Variants in NSD3 observed in about 807,000 individuals in gnomAD.
NSD3 encodes nuclear receptor binding SET domain protein 3, also known as histone-lysine N-methyltransferase NSD3.
In NSD3, 24 loss-of-function variants were observed where a neutral mutation model predicts 160.8. That is an observed-to-expected ratio of 0.15 (90% CI 0.11 to 0.21). The LOEUF (loss-of-function observed/expected upper bound fraction) is 0.21, where lower values mean the gene tolerates loss of function less well. Among genes scored for constraint, NSD3 ranks in the 10% least tolerant of loss-of-function variants. NSD3 has a pLI of 1.00. For missense variants in NSD3, 1,157 were observed against 1,735.9 expected, an observed-to-expected ratio of 0.67 and a Z score of 5.93; for synonymous variants, 520 against 600.0, an observed-to-expected ratio of 0.87 and a Z score of 1.95.
intron 1 of NSD3, among the ~76,000 whole-genome samples, chr8:38,374,424 A>T (rs1045636151): frequency 6.6e-6 from 1 of 152,220 alleles, no homozygotes; most frequent in Non-Finnish European, 1.5e-5. Context: ...ATAAGCTATG[A>T]AGAAAAATCA....
chr8:38,280,303 C>T (rs1272752619), intron 20 of NSD3: 1 of 152,132 alleles, frequency 6.6e-6, no homozygotes, highest in East Asian at 1.9e-4. Context: ...CTGAGCCTCT[C>T]AAGTGCTGTC....
Position 38,317,563 on chromosome 8 carries a change from TA to T in NSD3, c.1855+1331del, listed in dbSNP as rs975996178. 2.3e-5 allele frequency: 25 copies of T among 1,069,680 alleles called. No individual in the cohort carries two copies. The highest frequency in any genetic ancestry group is 5.2e-5 in the East Asian group (1 of 19,168). The allele number at this position is 1,069,680 out of a possible 1,614,324, so 66.3% of individuals were successfully genotyped here. A position where few individuals can be genotyped will look rare whatever the true frequency, so the allele number is the denominator to read the frequency against. On this transcript the variant is annotated intron_variant, in intron 9 of 23. Transcript: ENST00000317025. The surrounding 1 kb of genome is among the most constrained non-coding windows in gnomAD (Gnocchi z 5.3). ...TTCTCCATGATAACGGCACTAATATTAAAAAAAATAAGAACTTTTAATGATT... is the reference window on the plus strand; with the variant it reads ...TTCTCCATGATAACGGCACTAATATTAAAAAAATAAGAACTTTTAATGATT...
chr8:38,317,491 G>C lies in NSD3; in HGVS notation c.1855+1404C>G. ...GTACCGCCATTTCCGATGAGTTTCT[G>C]AAAATGCTAGAAAAATGACAGACTG... On this transcript the variant is annotated intron_variant, in intron 9 of 23. Coordinates refer to ENST00000317025, the MANE Select transcript of NSD3 (RefSeq NM_023034.2). This position sits in a 1 kb window ranked among gnomAD's most constrained non-coding sequence, Gnocchi z 5.3. The C allele has an allele frequency of 9.5e-7, 1 of 1,056,570 alleles. No homozygotes were observed. Among genetic ancestry groups the C allele is most frequent in the Non-Finnish European group, 1.1e-6 (1 of 873,840 alleles). 65.4% of individuals were successfully genotyped at this position (1,056,570 alleles called of 1,614,324 possible). A position where few individuals can be genotyped will look rare whatever the true frequency, so the allele number is the denominator to read the frequency against.
chr8:38,329,594 G>A lies in NSD3; in HGVS notation c.1365C>T (p.His455=), dbSNP rs1415386630. Residue 455 remains histidine, a synonymous_variant, in exon 6 of 24, where the codon CAC becomes CAT. Transcript: ENST00000317025. The surrounding 1 kb of genome is among the most constrained non-coding windows in gnomAD (Gnocchi z 4.8). ...GTGGCTCTTCCTCTTCCGCACTTGT[G>A]TGCCGCCTCTGGCTATGTCTCCGAA... ...TEIRRHSQRR[H]TSAEEEEPPP... is the part of the protein sequence containing the mutation. 3 of 1,614,196 alleles carry A rather than the reference G, an allele frequency of 1.9e-6. No homozygotes were observed. The highest frequency in any genetic ancestry group is 2.2e-5 in the East Asian group (1 of 44,896).
chr8:38,377,869 C>T (rs10099378), intron 1 of NSD3, among the ~76,000 whole-genome samples: 32,528 of 151,862 alleles, frequency 0.21, 3,710 homozygotes, highest in East Asian at 0.31. Context: ...GAGGTGAAGT[C>T]TGCAGTGAGC....
chr8:38,304,580 C>T lies in NSD3; in HGVS notation c.2611+7G>A. The T allele has an allele frequency of 6.2e-7, 1 of 1,603,292 alleles. No homozygotes were observed. The highest frequency in any genetic ancestry group is 8.5e-7 in the Non-Finnish European group (1 of 1,176,162). ...AAAATAAATGAAGAGAAAAGTCAGA[C>T]ACTCACCTCTGGCACAAACGAAACA... On this transcript the variant is annotated splice_region_variant and intron_variant, in intron 14 of 23. Transcript: ENST00000317025.
chr8:38,316,454 GT>G lies in NSD3; in HGVS notation c.1856-413del. 1 of 1,043,328 alleles carries G rather than the reference GT, an allele frequency of 9.6e-7. No homozygotes were observed. Among genetic ancestry groups the G allele is most frequent in the Non-Finnish European group, 1.2e-6 (1 of 865,174 alleles). The allele number at this position is 1,043,328 out of a possible 1,614,324, so 64.6% of individuals were successfully genotyped here. Reference sequence around the variant, plus strand: ...ATGGTTGCAGAGACATCTCCATCTTGTTTTTATTAGGGATGTGACAAATCTT... The same window carrying G: ...ATGGTTGCAGAGACATCTCCATCTTGTTTTATTAGGGATGTGACAAATCTT... On this transcript the variant is annotated intron_variant, in intron 9 of 23. Coordinates refer to ENST00000317025, the MANE Select transcript of NSD3 (RefSeq NM_023034.2). The surrounding 1 kb of genome is among the most constrained non-coding windows in gnomAD (Gnocchi z 4.5).
intron 1 of NSD3, among the ~76,000 whole-genome samples, chr8:38,352,785 T>C (rs953617140): frequency 6.6e-6 from 1 of 152,080 alleles, no homozygotes; most frequent in African/African-American, 2.4e-5. Flanking sequence ...TTTGTATTTT[T>C]TATAGAGATG....
At chr8:38,282,872 A>G (rs1808765355) in intron 19 of NSD3, among the ~76,000 whole-genome samples, 1 of 152,208 alleles carries the variant, frequency 6.6e-6, no homozygotes, top group African/African-American at 2.4e-5. Flanking sequence ...CACCCATGGA[A>G]GAACATTTGG....
At position 38,276,749 on chromosome 8, in the gene NSD3, A is replaced by T. The variant is rs139886146; in HGVS notation, c.3868-249T>A. 8.3e-4 allele frequency: 406 copies of T among 488,896 alleles called. 4 individuals are homozygous for T. The highest frequency in any genetic ancestry group is 7.0e-3 in the African/African-American group (361 of 51,654). 30.3% of individuals were successfully genotyped at this position (488,896 alleles called of 1,614,324 possible). A position where few individuals can be genotyped will look rare whatever the true frequency, so the allele number is the denominator to read the frequency against. On this transcript the variant is annotated intron_variant, in intron 22 of 23. Coordinates refer to ENST00000317025, the MANE Select transcript of NSD3 (RefSeq NM_023034.2). ...GTCCAGGCTGAAGTGCAGTGGTGCA[A>T]TCTTGGCTCACTGCAGCCTCGACCT...
intron 23 of NSD3, 21 bp downstream of exon 23, chr8:38,276,275 G>A (rs1488935): frequency 0.22 from 354,413 of 1,610,792 alleles, 40,206 homozygotes; most frequent in East Asian, 0.31. Flanking sequence ...TTAGGGAAAG[G>A]GTCCTGAAGG....
intron 19 of NSD3, among the ~76,000 whole-genome samples, chr8:38,286,725 CCT>C (rs1297177733): frequency 1.3e-5 from 2 of 152,174 alleles, no homozygotes; most frequent in African/African-American, 4.8e-5. Flanking sequence ...CACCGCAGCT[CCT>C]CTCTTTCCTC....
chr8:38,320,750 G>T (rs1214885779), intron 8 of NSD3: 9 of 187,408 alleles, frequency 4.8e-5, no homozygotes, highest in Non-Finnish European at 7.5e-5. Context: ...GGAACTCAAT[G>T]ATGGTTCCAA....
rs1202024020 is a variant in NSD3, at chr8:38,295,838, A to G, written c.2873T>C (p.Leu958Pro). 1.9e-6 allele frequency: 3 copies of G among 1,613,580 alleles called. No homozygotes were observed. Among genetic ancestry groups the G allele is most frequent in the South Asian group, 1.1e-5 (1 of 90,906 alleles). Residue 958 changes from leucine to proline, a missense_variant, in exon 16 of 24, where the codon CTA becomes CCA. By Grantham distance (98) the Leu-to-Pro change is moderately conservative. Transcript: ENST00000317025. ...GACCCAAACAATCTGCTTGTAATGT[A>G]GTTTCTTGCCAGCTTTACAGTCATT... Reference protein sequence around the residue: ...NCNDCKAGKKLHYKQIVWVKL... With the variant: ...NCNDCKAGKKPHYKQIVWVKL...
At chr8:38,366,468 G>A (rs1188231678) in intron 1 of NSD3, among the ~76,000 whole-genome samples, 4 of 148,790 alleles carry the variant, frequency 2.7e-5, no homozygotes, top group Non-Finnish European at 5.9e-5. Flanking sequence ...AGGCTGGAGT[G>A]CAATGGTATG....
intron 1 of NSD3, among the ~76,000 whole-genome samples, chr8:38,360,238 C>A (rs1194057920): frequency 1.3e-5 from 2 of 152,156 alleles, no homozygotes; most frequent in African/African-American, 4.8e-5. Context: ...CTCAAGCAAT[C>A]CTCCCACTTT....
rs11290856 is a variant in NSD3, at chr8:38,293,922, CAAAAAAAAAAA to C, written c.2915+1863_2915+1873del. Among the ~76,000 whole-genome samples the C allele has an allele frequency of 8.8e-4, 44 of 49,940 alleles. No homozygotes were observed. In the South Asian group the frequency reaches 0.029, roughly 33 times the overall value. 32.8% of individuals were successfully genotyped at this position (49,940 alleles called of 152,430 possible). A position where few individuals can be genotyped will look rare whatever the true frequency, so the allele number is the denominator to read the frequency against. On this transcript the variant is annotated intron_variant, in intron 16 of 23. Transcript: ENST00000317025. ...TGGGTGACAGAGTGAGACTCCGTCT[CAAAAAAAAAAA>C]AAAAAAAAAAAAAAAAAAAAAGAGA...
intron 19 of NSD3, among the ~76,000 whole-genome samples, chr8:38,285,359 A>G (rs1370635766): frequency 1.3e-5 from 2 of 152,234 alleles, no homozygotes; most frequent in Non-Finnish European, 2.9e-5. Flanking sequence ...AAAGAAGGGG[A>G]CTGACTGTGT....
chr8:38,297,040 C>T (rs115125324), intron 15 of NSD3, among the ~76,000 whole-genome samples: 266 of 152,242 alleles, frequency 1.7e-3, no homozygotes, highest in African/African-American at 6.1e-3. Flanking sequence ...TGATTCTGTA[C>T]AAATGTGTAA....
Sources: allele counts gnomAD v4.1 joint callset (sites outside exome capture counted in the v4.1 genomes callset), GRCh38; gene constraint gnomAD v4.1.1; non-coding constraint Gnocchi (gnomAD v3.1); transcripts MANE v1.5; gene names NCBI Gene and HGNC (gene_info 2026-07-23, HGNC 2026-07-21).